Variants in RBFOX1 observed in about 807,000 individuals in gnomAD.
RBFOX1 encodes RNA binding protein fox-1 homolog 1.
A neutral mutation model predicts 57.7 loss-of-function variants in RBFOX1; 8 were observed. The ratio of observed to expected loss-of-function variants is 0.14; its 90% CI spans 0.08 to 0.25. RBFOX1 has a LOEUF of 0.25. Among genes scored for constraint, RBFOX1 ranks in the 10% least tolerant of loss-of-function variants. RBFOX1 has a pLI of 1.00. For synonymous variants in RBFOX1, 326 were observed against 222.4 expected (o/e 1.47, Z -4.15); for missense variants, 611 against 548.5 (o/e 1.11, Z -1.14).
At chr16:5,818,229 A>T (rs888596954) in intron 3 of RBFOX1, among the ~76,000 whole-genome samples, 4 of 152,190 alleles carry the variant, frequency 2.6e-5, no homozygotes, top group African/African-American at 9.6e-5. Context: ...TGGTGCCTCC[A>T]GGCATTGTGT....
chr16:5,507,659 C>T (rs2043424427), intron 2 of RBFOX1, among the ~76,000 whole-genome samples: 1 of 152,304 alleles, frequency 6.6e-6, no homozygotes, highest in East Asian at 1.9e-4. Context: ...AAGATGAGGT[C>T]ATACTGGAGT....
chr16:6,285,288 A>T (rs1322827993), intron 1 of RBFOX1, among the ~76,000 whole-genome samples: 1 of 152,186 alleles, frequency 6.6e-6, no homozygotes, highest in Non-Finnish European at 1.5e-5. Context: ...GCATTTGATT[A>T]GAAATATGAA....
intron 3 of RBFOX1, among the ~76,000 whole-genome samples, chr16:6,824,908 TC>T (rs1223870814): frequency 6.6e-6 from 1 of 151,284 alleles, no homozygotes; most frequent in Non-Finnish European, 1.5e-5. Flanking sequence ...CCTGCCATCT[TC>T]CCTAGAGGCA....
At chr16:6,694,087 A>G (rs933180637) in intron 3 of RBFOX1, among the ~76,000 whole-genome samples, 13 of 152,242 alleles carry the variant, frequency 8.5e-5, no homozygotes, top group African/African-American at 1.9e-4. Context: ...ACAAATTTCA[A>G]TAATTCAACA....
chr16:5,572,808 C>T (rs1364598040), intron 2 of RBFOX1, among the ~76,000 whole-genome samples: 2 of 151,964 alleles, frequency 1.3e-5, no homozygotes, highest in East Asian at 1.9e-4. Flanking sequence ...CGGGATGGGG[C>T]AGAAGGAGGA....
chr16:7,001,412 G>GTATATCTATATC (rs746357556), intron 3 of RBFOX1, among the ~76,000 whole-genome samples: 2 of 136,898 alleles, frequency 1.5e-5, no homozygotes, highest in East Asian at 4.1e-4. Context: ...ATATGTATAT[G>GTATATCTATATC]TATATGTATA....
intron 3 of RBFOX1, among the ~76,000 whole-genome samples, chr16:5,786,479 G>T (rs2054503999): frequency 6.6e-6 from 1 of 152,134 alleles, no homozygotes; most frequent in Non-Finnish European, 1.5e-5. Context: ...TGTAACGAAG[G>T]CCAGGATAAG....
intron 4 of RBFOX1, among the ~76,000 whole-genome samples, chr16:7,085,994 A>G (rs923392630): frequency 2.0e-5 from 3 of 152,126 alleles, no homozygotes; most frequent in African/African-American, 7.2e-5. Flanking sequence ...AGAACTTGTC[A>G]GTTGAGGGCT....
At chr16:7,709,487 C>T (rs557471817) in intron 15 of RBFOX1, 3 of 1,465,478 alleles carry the variant, frequency 2.0e-6, no homozygotes, top group South Asian at 1.3e-5. Flanking sequence ...GCTGCTCATT[C>T]ACATAGCCCC....
chr16:7,011,117 C>T (rs1302014222), intron 3 of RBFOX1, among the ~76,000 whole-genome samples: 1 of 151,626 alleles, frequency 6.6e-6, no homozygotes, highest in African/African-American at 2.4e-5. Flanking sequence ...GAAGAGAGGC[C>T]ATCAGGCTGT....
At chr16:7,045,169 T>C (rs550819986) in intron 3 of RBFOX1, among the ~76,000 whole-genome samples, 1 of 152,202 alleles carries the variant, frequency 6.6e-6, no homozygotes, top group African/African-American at 2.4e-5. Flanking sequence ...TTGACTCAAA[T>C]TGGCCAGGGA....
At chr16:6,581,868 A>G (rs923921956) in intron 2 of RBFOX1, among the ~76,000 whole-genome samples, 8 of 152,216 alleles carry the variant, frequency 5.3e-5, no homozygotes, top group African/African-American at 1.2e-4. Flanking sequence ...GTCCAACACA[A>G]TCAGAGGCAT....
chr16:7,381,018 T>C (rs1416282785), intron 4 of RBFOX1, among the ~76,000 whole-genome samples: 2 of 152,216 alleles, frequency 1.3e-5, no homozygotes, highest in Non-Finnish European at 2.9e-5. Context: ...CATGAAACAC[T>C]TTCTTGGTAT....
At chr16:7,478,951 G>A (rs751542722) in intron 4 of RBFOX1, among the ~76,000 whole-genome samples, 25 of 151,932 alleles carry the variant, frequency 1.6e-4, no homozygotes, top group African/African-American at 4.8e-4. Flanking sequence ...GTTCCCGTGC[G>A]GACCGAACAC....
intron 3 of RBFOX1, among the ~76,000 whole-genome samples, chr16:6,815,540 A>T (rs74870884): frequency 0.012 from 1,831 of 152,298 alleles, 46 homozygotes; most frequent in African/African-American, 0.042. Context: ...TACGCCAGAC[A>T]TTATGCCAGT....
intron 3 of RBFOX1, among the ~76,000 whole-genome samples, chr16:7,034,588 T>C (rs1305736210): frequency 1.3e-5 from 2 of 151,964 alleles, no homozygotes; most frequent in Non-Finnish European, 2.9e-5. Flanking sequence ...CTGTGAAATA[T>C]CCAGAGAAGA....
intron 4 of RBFOX1, among the ~76,000 whole-genome samples, chr16:7,357,277 T>C (rs1340338747): frequency 6.6e-6 from 1 of 151,168 alleles, no homozygotes; most frequent in African/African-American, 2.4e-5. Context: ...ATCAGTCCTG[T>C]GGGTAAGAAG....
intron 3 of RBFOX1, among the ~76,000 whole-genome samples, chr16:6,905,880 A>AAGCAAAG (rs1311812365): frequency 8.5e-5 from 13 of 152,142 alleles, no homozygotes; most frequent in Admixed American, 5.2e-4. Context: ...TGATCCCTGG[A>AAGCAAAG]AGCAAAGTGA....
chr16:6,613,114 C>G lies in RBFOX1; in HGVS notation c.-63-41489C>G, dbSNP rs546012092. 9.2e-5 allele frequency among the ~76,000 whole-genome samples: 14 copies of G among 151,792 alleles called. No individual in the cohort carries two copies. The South Asian group carries it at 2.7e-3, about 29-fold the overall frequency. Reference sequence around the variant, plus strand: ...CAGGAACTGTCAGGCCTGATTAATACTTTTGCACTCGCGGTGCATGTGCCT... The same window carrying G: ...CAGGAACTGTCAGGCCTGATTAATAGTTTTGCACTCGCGGTGCATGTGCCT... On this transcript the variant is annotated intron_variant, in intron 2 of 15. Transcript: ENST00000550418.
Sources: allele counts gnomAD v4.1 joint callset (sites outside exome capture counted in the v4.1 genomes callset), GRCh38; gene constraint gnomAD v4.1.1; transcripts MANE v1.5; gene names NCBI Gene and HGNC (gene_info 2026-07-23, HGNC 2026-07-21).